SPOCK3: variants seen among roughly 807,000 people sequenced by gnomAD.
SPOCK3 encodes testican-3.
Under a neutral mutation model 56.6 loss-of-function variants are expected in SPOCK3, and 30 were observed. The ratio of observed to expected loss-of-function variants is 0.53; its 90% CI spans 0.40 to 0.72. SPOCK3 has a LOEUF of 0.72. Ranked by LOEUF, SPOCK3 falls within the 30% of genes least tolerant of loss-of-function variation. The pLI, the probability that SPOCK3 is intolerant of heterozygous loss-of-function variation, is 0.00. For synonymous variants in SPOCK3, 196 were observed against 183.3 expected, an observed-to-expected ratio of 1.07 and a Z score of -0.56; for missense variants, 527 against 530.0, an observed-to-expected ratio of 0.99 and a Z score of 0.06.
intron 2 of SPOCK3, among the ~76,000 whole-genome samples, chr4:167,088,589 C>T (rs1287987467): frequency 2.6e-5 from 4 of 151,610 alleles, no homozygotes; most frequent in African/African-American, 4.8e-5. Context: ...CTCAGCCTCC[C>T]GAGTAGCTAA....
In SPOCK3 at chr4:166,784,714, A is replaced by G. The variant is rs138338282; in HGVS notation, c.709+7456T>C. Among the ~76,000 whole-genome samples the G allele has an allele frequency of 4.9e-3, 751 of 152,250 alleles. 8 individuals carry two copies. Among genetic ancestry groups the G allele is most frequent in the African/African-American group, 0.017 (715 of 41,572 alleles). ...TCTTAATGTGAAGACAGCATGACAT[A>G]AAGTGAGCAGTATCTTGGTAAGAAA... On this transcript the variant is annotated intron_variant, in intron 7 of 10. Coordinates refer to ENST00000357545, the MANE Select transcript of SPOCK3 (RefSeq NM_001040159.2).
intron 6 of SPOCK3, among the ~76,000 whole-genome samples, chr4:166,859,764 T>C (rs7660401): frequency 0.88 from 133,971 of 152,112 alleles, 59,238 homozygotes; most frequent in African/African-American, 0.96. Flanking sequence ...ATAATTAGCA[T>C]CCAGGGGGTT....
chr4:167,174,436 G>GGA (rs568434403), intron 2 of SPOCK3, among the ~76,000 whole-genome samples: 9 of 144,654 alleles, frequency 6.2e-5, no homozygotes, highest in African/African-American at 1.7e-4. Context: ...CTAAAATTTT[G>GGA]AAAAAAAAAA....
At chr4:166,782,282 T>C (rs1740263638) in intron 7 of SPOCK3, among the ~76,000 whole-genome samples, 2 of 152,190 alleles carry the variant, frequency 1.3e-5, no homozygotes, top group South Asian at 4.1e-4. Context: ...GAAGATACAG[T>C]AACCCTAAAT....
At chr4:167,073,469 T>C (rs1214985558) in intron 2 of SPOCK3, among the ~76,000 whole-genome samples, 1 of 151,798 alleles carries the variant, frequency 6.6e-6, no homozygotes, top group Admixed American at 6.6e-5. Context: ...CATTATTGAG[T>C]CAAGAATGTA....
intron 3 of SPOCK3, among the ~76,000 whole-genome samples, chr4:167,003,777 G>A (rs1357382701): frequency 1.3e-5 from 2 of 152,102 alleles, no homozygotes; most frequent in South Asian, 4.1e-4. Context: ...ACTAACCTGG[G>A]TACCTGACAA....
At chr4:167,158,492 T>C (rs1301924622) in intron 2 of SPOCK3, among the ~76,000 whole-genome samples, 2 of 152,038 alleles carry the variant, frequency 1.3e-5, no homozygotes, top group East Asian at 1.9e-4. Context: ...AGTAGAGTTT[T>C]GTCAGGATTT....
At chr4:167,148,214 TTGGGGAGTTGCTAC>T (rs1764135377) in intron 2 of SPOCK3, among the ~76,000 whole-genome samples, 1 of 152,094 alleles carries the variant, frequency 6.6e-6, no homozygotes, top group Non-Finnish European at 1.5e-5. Flanking sequence ...ATTTAGGTGT[TTGGGGAGTTGCTAC>T]TGGCATCTAG....
chr4:166,785,935 C>A (rs1445088196), intron 7 of SPOCK3, among the ~76,000 whole-genome samples: 1 of 152,072 alleles, frequency 6.6e-6, no homozygotes, highest in Non-Finnish European at 1.5e-5. Context: ...TATGCCAAGG[C>A]CTTTTCTAGT....
intron 2 of SPOCK3, among the ~76,000 whole-genome samples, chr4:167,066,708 C>G (rs924883297): frequency 6.6e-6 from 1 of 151,804 alleles, no homozygotes; most frequent in Non-Finnish European, 1.5e-5. Flanking sequence ...TGTCCATGCT[C>G]TATGCCTTTA....
Position 166,826,974 on chromosome 4 carries a change from T to C in SPOCK3, c.590-34685A>G, listed in dbSNP as rs150331189. 2.0e-4 allele frequency among the ~76,000 whole-genome samples: 31 copies of C among 152,198 alleles called. 1 individual carries two copies. In the East Asian group the frequency reaches 5.4e-3, roughly 27 times the overall value. On this transcript the variant is annotated intron_variant, in intron 6 of 10. Coordinates refer to ENST00000357545, the MANE Select transcript of SPOCK3 (RefSeq NM_001040159.2). ...ATAATTAGAGACCTTCTTAAAAATTTTGCTGGGCCCATTAAAAAAATAAAA... is the reference window on the plus strand; with the variant it reads ...ATAATTAGAGACCTTCTTAAAAATTCTGCTGGGCCCATTAAAAAAATAAAA...
At chr4:166,911,302 A>G (rs569275168) in intron 5 of SPOCK3, among the ~76,000 whole-genome samples, 1 of 152,250 alleles carries the variant, frequency 6.6e-6, no homozygotes, top group East Asian at 1.9e-4. Context: ...ACTTTCCCAG[A>G]TTTGTAATTG....
At chr4:167,119,764 C>T (rs955552817) in intron 2 of SPOCK3, 44 of 1,454,736 alleles carry the variant, frequency 3.0e-5, no homozygotes, top group South Asian at 4.9e-5. Context: ...CACTATTTCA[C>T]GTTAACATAT....
At chr4:167,141,129 A>T (rs1438853874) in intron 2 of SPOCK3, among the ~76,000 whole-genome samples, 1 of 151,986 alleles carries the variant, frequency 6.6e-6, no homozygotes, top group Non-Finnish European at 1.5e-5. Context: ...ATAAGTCCTG[A>T]TCAGCTAACA....
At chr4:167,194,900 A>T (rs770967961) in intron 2 of SPOCK3, among the ~76,000 whole-genome samples, 2 of 152,182 alleles carry the variant, frequency 1.3e-5, no homozygotes, top group Non-Finnish European at 2.9e-5. Flanking sequence ...GGTATCTGGG[A>T]GGTCTCCCAT....
chr4:166,984,482 A>T lies in SPOCK3; in HGVS notation c.350+15867T>A, dbSNP rs369044522. Among the ~76,000 whole-genome samples the T allele has an allele frequency of 2.2e-4, 33 of 152,246 alleles. No individual in the cohort carries two copies. In the East Asian group the frequency reaches 2.7e-3, roughly 12 times the overall value. On this transcript the variant is annotated intron_variant, in intron 4 of 10. Coordinates refer to ENST00000357545, the MANE Select transcript of SPOCK3 (RefSeq NM_001040159.2). ...TACTTACTCTTTTAAGTGCTTTGTA[A>T]TAAATTTATAAGAAAATACTGGGAG...
At chr4:167,159,171 T>G (rs986003921) in intron 2 of SPOCK3, among the ~76,000 whole-genome samples, 1 of 152,040 alleles carries the variant, frequency 6.6e-6, no homozygotes, top group African/African-American at 2.4e-5. Flanking sequence ...ATCTAAAAAG[T>G]AATAACTATC....
chr4:166,876,547 T>C (rs1182908184), intron 6 of SPOCK3, among the ~76,000 whole-genome samples: 1 of 152,162 alleles, frequency 6.6e-6, no homozygotes, highest in East Asian at 1.9e-4. Flanking sequence ...AACGATAATG[T>C]TGAATAGATG....
intron 6 of SPOCK3, among the ~76,000 whole-genome samples, chr4:166,824,927 C>A (rs2126773793): frequency 6.6e-6 from 1 of 152,092 alleles, no homozygotes; most frequent in East Asian, 1.9e-4. Context: ...CAATTTAAAC[C>A]TACTCTATGA....
Sources: allele counts gnomAD v4.1 joint callset (sites outside exome capture counted in the v4.1 genomes callset), GRCh38; gene constraint gnomAD v4.1.1; transcripts MANE v1.5; gene names NCBI Gene and HGNC (gene_info 2026-07-23, HGNC 2026-07-21).